The following CDH18 variants were observed in gnomAD, a reference collection of about 807,000 sequenced individuals.
CDH18 encodes cadherin 18, also known as cadherin-18.
In CDH18, 31 loss-of-function variants were observed where a neutral mutation model predicts 67.9. The observed-to-expected ratio is 0.46, with a 90% CI of 0.34 to 0.62. The LOEUF (loss-of-function observed/expected upper bound fraction) is 0.62. Among genes scored for constraint, CDH18 ranks in the 20% least tolerant of loss-of-function variants. CDH18 has a pLI of 0.01. For missense variants in CDH18, 890 were observed against 975.5 expected (o/e 0.91, Z 1.17); for synonymous variants, 362 against 347.2 (o/e 1.04, Z -0.48).
chr5:19,689,319 C>T (rs140707360), intron 5 of CDH18, among the ~76,000 whole-genome samples: 312 of 152,032 alleles, frequency 2.1e-3, no homozygotes, highest in Non-Finnish European at 2.9e-3. Context: ...AGCAGATTGG[C>T]ACTGGATTTC....
At chr5:20,570,937 T>C (rs1231736055) in intron 1 of CDH18, among the ~76,000 whole-genome samples, 1 of 152,186 alleles carries the variant, frequency 6.6e-6, no homozygotes, top group African/African-American at 2.4e-5. Context: ...ATTCGGTTCA[T>C]TGATCATAGC....
chr5:20,457,045 C>G (rs1314279832), intron 1 of CDH18, among the ~76,000 whole-genome samples: 1 of 152,092 alleles, frequency 6.6e-6, no homozygotes. Context: ...AAGAAGATGG[C>G]TGTTTTAAGA....
intron 1 of CDH18, among the ~76,000 whole-genome samples, chr5:20,494,753 A>G (rs1237410812): frequency 2.0e-5 from 3 of 152,188 alleles, no homozygotes; most frequent in African/African-American, 7.2e-5. Flanking sequence ...CACCTTCTTT[A>G]GAGCAATGCA....
At chr5:20,497,097 C>A (rs1222344935) in intron 1 of CDH18, among the ~76,000 whole-genome samples, 1 of 151,822 alleles carries the variant, frequency 6.6e-6, no homozygotes, top group Non-Finnish European at 1.5e-5. Flanking sequence ...AATAGCCAAG[C>A]AAAAGCAGTG....
chr5:19,779,674 C>T (rs1463333306), intron 3 of CDH18, among the ~76,000 whole-genome samples: 2 of 152,100 alleles, frequency 1.3e-5, no homozygotes, highest in Non-Finnish European at 2.9e-5. Context: ...TTACTTACAC[C>T]AACATCCCAG....
chr5:19,506,610 C>G (rs1343652601), intron 10 of CDH18, among the ~76,000 whole-genome samples: 1 of 150,358 alleles, frequency 6.7e-6, no homozygotes, highest in South Asian at 2.1e-4. Context: ...TGCTGCATAT[C>G]TACATCTGAT....
intron 3 of CDH18, among the ~76,000 whole-genome samples, chr5:19,760,649 A>G (rs1772206883): frequency 6.6e-6 from 1 of 152,178 alleles, no homozygotes; most frequent in East Asian, 1.9e-4. Flanking sequence ...CCTGTCCTCC[A>G]GATTTCTGTT....
intron 1 of CDH18, among the ~76,000 whole-genome samples, chr5:20,536,550 G>A (rs147194225): frequency 1.1e-3 from 162 of 152,282 alleles, no homozygotes; most frequent in African/African-American, 3.7e-3. Context: ...AGTCAGTACT[G>A]TGCTTCTGAA....
intron 2 of CDH18, among the ~76,000 whole-genome samples, chr5:20,172,199 T>TATATAC (rs1554098676): frequency 1.9e-5 from 1 of 52,868 alleles, no homozygotes; most frequent in Non-Finnish European, 3.4e-5. Context: ...TGTATATATA[T>TATATAC]ATATATATAT....
rs751391472 is a variant in CDH18 at position 19,838,866 on chromosome 5, T to C, written c.121A>G (p.Ile41Val). 6.2e-7 allele frequency: 1 copy of C among 1,613,996 alleles called. No homozygotes were observed. Among genetic ancestry groups the C allele is most frequent in the Non-Finnish European group, 8.5e-7 (1 of 1,179,952 alleles). The change falls in exon 3 of 13, where the codon ATT becomes GTT. Residue 41 changes from isoleucine (I) to valine (V), a missense_variant. Ile to Val is a conservative substitution (Grantham distance 29). Coordinates refer to ENST00000382275, the MANE Select transcript of CDH18 (RefSeq NM_004934.5). ...IKVMRNQTKH[I>V]EGETEVHHRP... ...TGATGGACTTCGGTTTCACCTTCAA[T>C]GTGTTTGGTTTGGTTTCTCATCACC...
At chr5:19,891,572 A>C (rs1169643038) in intron 2 of CDH18, among the ~76,000 whole-genome samples, 1 of 152,140 alleles carries the variant, frequency 6.6e-6, no homozygotes, top group Admixed American at 6.6e-5. Flanking sequence ...CAAGATTCCC[A>C]CATTATCTCC....
intron 3 of CDH18, among the ~76,000 whole-genome samples, chr5:19,825,470 T>C (rs959018808): frequency 1.3e-5 from 2 of 152,050 alleles, no homozygotes; most frequent in Non-Finnish European, 2.9e-5. Context: ...TGCAACCCCA[T>C]GTTCCCCTGG....
chr5:20,505,775 C>T (rs1754620558), intron 1 of CDH18, among the ~76,000 whole-genome samples: 1 of 152,158 alleles, frequency 6.6e-6, no homozygotes, highest in Non-Finnish European at 1.5e-5. Context: ...AAACACTTAA[C>T]AATTTCCCAT....
At chr5:19,514,161 A>T (rs1745557823) in intron 10 of CDH18, among the ~76,000 whole-genome samples, 1 of 152,170 alleles carries the variant, frequency 6.6e-6, no homozygotes, top group African/African-American at 2.4e-5. Flanking sequence ...CCACGTCCCT[A>T]CAAAGGACGG....
At chr5:19,907,998 C>T (rs1790709683) in intron 2 of CDH18, among the ~76,000 whole-genome samples, 1 of 152,010 alleles carries the variant, frequency 6.6e-6, no homozygotes, top group Non-Finnish European at 1.5e-5. Flanking sequence ...ACATTTCTAA[C>T]TAATGTATAA....
At chr5:19,906,797 G>T (rs1218765719) in intron 2 of CDH18, among the ~76,000 whole-genome samples, 1 of 151,792 alleles carries the variant, frequency 6.6e-6, no homozygotes, top group African/African-American at 2.4e-5. Flanking sequence ...ATCCATGATT[G>T]GGCCATGATA....
At chr5:20,069,992 G>A (rs1743332968) in intron 2 of CDH18, among the ~76,000 whole-genome samples, 1 of 152,150 alleles carries the variant, frequency 6.6e-6, no homozygotes, top group Non-Finnish European at 1.5e-5. Context: ...ACAATGATGT[G>A]TACTGGCCAT....
At chr5:20,522,987 T>C (rs1755835908) in intron 1 of CDH18, among the ~76,000 whole-genome samples, 1 of 152,146 alleles carries the variant, frequency 6.6e-6, no homozygotes, top group Non-Finnish European at 1.5e-5. Flanking sequence ...AAGTAGCTAC[T>C]TGCCTTGTTT....
chr5:20,438,559 C>T (rs16887308), intron 1 of CDH18, among the ~76,000 whole-genome samples: 32,296 of 150,954 alleles, frequency 0.21, 3,799 homozygotes, highest in East Asian at 0.3. Context: ...AAATGTATTA[C>T]AAACCAGCAA....
Sources: gnomAD v4.1 joint callset for allele counts (sites outside exome capture counted in the v4.1 genomes callset) on GRCh38, gnomAD v4.1.1 for gene constraint, MANE v1.5 for transcripts, NCBI Gene and HGNC (gene_info 2026-07-23, HGNC 2026-07-21) for gene names.